Variants in IPO9 observed in about 807,000 individuals in gnomAD.
IPO9 encodes the protein importin-9.
A neutral mutation model predicts 128.6 loss-of-function variants in IPO9; 28 were observed. The ratio of observed to expected loss-of-function variants is 0.22; its 90% CI spans 0.16 to 0.30. The LOEUF is 0.30. IPO9 is among the 10% of genes least tolerant of loss of function. IPO9 has a pLI of 1.00. For missense variants in IPO9, 935 were observed against 1,293.9 expected (o/e 0.72, Z 4.26); for synonymous variants, 455 against 475.8 (o/e 0.96, Z 0.57).
intron 1 of IPO9, among the ~76,000 whole-genome samples, chr1:201,832,718 C>T (rs1172499315): frequency 6.6e-6 from 1 of 152,220 alleles, no homozygotes; most frequent in Admixed American, 6.5e-5. Flanking sequence ...AATAACCACA[C>T]TGTCTTTGTG....
At chr1:201,874,685 G>T in intron 21 of IPO9, 147 bp from the exon 22 acceptor site, 4 of 692,326 alleles carry the variant, frequency 5.8e-6, no homozygotes, top group Non-Finnish European at 7.7e-6. Flanking sequence ...AACCAGGAGG[G>T]TTTGGCCATT....
rs375284480 is a variant in IPO9, at chr1:201,876,494, A to C, written c.*440A>C. ...CTGATGTGTTCAGATAGGAATCCTC[A>C]TGAGAGATCATTATGCTTTGTGCCC... On this transcript the variant is annotated 3_prime_UTR_variant, in exon 24 of 24. Transcript: ENST00000361565. The C allele has an allele frequency of 6.7e-6, 2 of 296,340 alleles. No homozygotes were observed. Among genetic ancestry groups the C allele is most frequent in the Admixed American group, 4.5e-5 (1 of 22,358 alleles). 18.4% of individuals were successfully genotyped at this position (296,340 alleles called of 1,614,324 possible).
intron 1 of IPO9, among the ~76,000 whole-genome samples, chr1:201,843,366 C>A (rs1680069043): frequency 6.6e-6 from 1 of 151,822 alleles, no homozygotes; most frequent in Non-Finnish European, 1.5e-5. Context: ...GTCCTAAGAC[C>A]ATTGCATCAG....
chr1:201,879,049 C>CTT lies in IPO9; in HGVS notation c.*2998_*2999dup, dbSNP rs991353303. The CTT allele has an allele frequency of 1.3e-5, 2 of 152,078 alleles. No homozygotes were observed. Among genetic ancestry groups the CTT allele is most frequent in the African/African-American group, 2.4e-5 (1 of 41,398 alleles). The allele number at this position is 152,078 out of a possible 1,614,324, so 9.4% of individuals were successfully genotyped here. A position where few individuals can be genotyped will look rare whatever the true frequency, so the allele number is the denominator to read the frequency against. ...AAGGGGCTCCCAGGAGTTTGTCGAG[C>CTT]TTTTATTGGAGTGAACTGAAAGGAA... On this transcript the variant is annotated 3_prime_UTR_variant, in exon 24 of 24. Transcript: ENST00000361565.
In IPO9 at chr1:201,857,175, C is replaced by T. The variant is rs1448978364; in HGVS notation, c.1202C>T (p.Ala401Val). ...ACATTCTCCTATACTGTTAGAATAG[C>T]AGCTCAAGACTTGTTGCTGGTAAGT... ...DDTFSYTVRIAAQDLLLAVAT... is the reference protein window; with the variant it reads ...DDTFSYTVRIVAQDLLLAVAT... The change falls in exon 11 of 24, where the codon GCA becomes GTA. Residue 401 changes from alanine (A) to valine (V), a missense_variant. Physicochemically the swap from Ala to Val is moderately conservative, Grantham distance 64 (BLOSUM62 0). This residue lies in a region of IPO9 where 741 missense variants were observed against 1,019.1 expected (regional missense o/e 0.73). Coordinates refer to ENST00000361565, the MANE Select transcript of IPO9 (RefSeq NM_018085.5). The T allele has an allele frequency of 6.2e-7, 1 of 1,606,910 alleles. No homozygotes were observed. Among genetic ancestry groups the T allele is most frequent in the Non-Finnish European group, 8.5e-7 (1 of 1,173,570 alleles).
At chr1:201,852,337 C>A in intron 5 of IPO9, 145 bp downstream of exon 5, 1 of 547,514 alleles carries the variant, frequency 1.8e-6, no homozygotes, top group Non-Finnish European at 3.3e-6. Flanking sequence ...TCTGCATTAA[C>A]CTTAGACCTT....
Position 201,881,291 on chromosome 1 carries a change from T to C in IPO9, c.*5237T>C, listed in dbSNP as rs1028947685. ...ACCACCTACTAACCTTACAAAGTAG[T>C]CCACTTTGCTCACCCAGTTTTACAG... On this transcript the variant is annotated 3_prime_UTR_variant, in exon 24 of 24. Transcript: ENST00000361565. 3.3e-5 allele frequency: 5 copies of C among 152,180 alleles called. No individual in the cohort carries two copies. Among genetic ancestry groups the C allele is most frequent in the African/African-American group, 9.7e-5 (4 of 41,444 alleles). 9.4% of individuals were successfully genotyped at this position (152,180 alleles called of 1,614,324 possible).
intron 14 of IPO9, among the ~76,000 whole-genome samples, chr1:201,866,109 T>A (rs1680550699): frequency 6.6e-6 from 1 of 152,176 alleles, no homozygotes; most frequent in South Asian, 2.1e-4. Flanking sequence ...CCCTGAAGTC[T>A]CCAGGGGAAA....
chr1:201,852,937 C>A, intron 5 of IPO9, 74 bp from the exon 6 acceptor site: 1 of 1,163,238 alleles, frequency 8.6e-7, no homozygotes, highest in Non-Finnish European at 1.3e-6. Context: ...AGTTTTACTT[C>A]TAGTCTGAGA....
At chr1:201,847,418 A>T (rs1056193283) in intron 2 of IPO9, 78 bp downstream of exon 2, 110 of 1,420,236 alleles carry the variant, frequency 7.7e-5, no homozygotes, top group Admixed American at 5.3e-5. Context: ...AAGAAAAATA[A>T]GGCCAGTGTA....
In IPO9 at chr1:201,878,399, C is replaced by T. The variant is rs955452713; in HGVS notation, c.*2345C>T. ...CTGAGCTTGGGAAGGCTTAAGGCTC[C>T]CACACACAGACTGAGAATGATGGGG... On this transcript the variant is annotated 3_prime_UTR_variant, in exon 24 of 24. Coordinates refer to ENST00000361565, the MANE Select transcript of IPO9 (RefSeq NM_018085.5). 5 of 152,584 alleles carry T rather than the reference C, an allele frequency of 3.3e-5. No individual in the cohort carries two copies. Among genetic ancestry groups the T allele is most frequent in the African/African-American group, 1.2e-4 (5 of 41,438 alleles). 9.5% of individuals were successfully genotyped at this position (152,584 alleles called of 1,614,324 possible).
At position 201,847,292 on chromosome 1, in the gene IPO9, C is replaced by G; in HGVS notation, c.177C>G (p.His59Gln). 6.2e-7 allele frequency: 1 copy of G among 1,613,972 alleles called. No individual in the cohort carries two copies. Among genetic ancestry groups the G allele is most frequent in the Non-Finnish European group, 8.5e-7 (1 of 1,179,880 alleles). ...TTTCTCTTTCAGAATTTGGTGTTCA[C>G]TTGGCAGAACTGACTGTAGATCCCC... is the stretch of plus-strand genomic sequence containing the variant. Reference protein sequence around the residue: ...VLEVTEEFGVHLAELTVDPQG... With the variant: ...VLEVTEEFGVQLAELTVDPQG... Residue 59 changes from histidine (H) to glutamine (Q), a missense_variant, in exon 2 of 24, where the codon CAC becomes CAG. This residue lies in a region of IPO9 where 741 missense variants were observed against 1,019.1 expected (regional missense o/e 0.73). Coordinates refer to ENST00000361565, the MANE Select transcript of IPO9 (RefSeq NM_018085.5).
chr1:201,869,466 CT>C (rs1680610889), intron 16 of IPO9, 123 bp from the exon 17 acceptor site: 1 of 1,168,876 alleles, frequency 8.6e-7, no homozygotes, highest in Non-Finnish European at 1.2e-6. Flanking sequence ...ATTTTGGAAA[CT>C]TGCCTTTCAT....
chr1:201,834,152 A>T (rs1679883157), intron 1 of IPO9, among the ~76,000 whole-genome samples: 1 of 151,372 alleles, frequency 6.6e-6, no homozygotes, highest in African/African-American at 2.4e-5. Context: ...TAAATAGGGT[A>T]AAAAAAATTT....
chr1:201,860,537 T>C lies in IPO9; in HGVS notation c.1468+1543T>C, dbSNP rs552589972. Among the ~76,000 whole-genome samples, 13 of 152,336 alleles carry C rather than the reference T, an allele frequency of 8.5e-5. No homozygotes were observed. In the South Asian group the frequency reaches 1.9e-3, roughly 22 times the overall value. On this transcript the variant is annotated intron_variant, in intron 13 of 23. Transcript: ENST00000361565. ...CTGAAGCCCATCAACACATTTCTTA[T>C]AGAGTTTACCCTAGCAAAGATTTTT...
At chr1:201,873,001 G>A (rs370347175) in intron 20 of IPO9, 40 bp downstream of exon 20, 49 of 1,588,192 alleles carry the variant, frequency 3.1e-5, no homozygotes, top group Middle Eastern at 2.0e-4. Flanking sequence ...CTCCCTATAC[G>A]AAGGGGCTAA....
At chr1:201,845,029 G>C (rs544959332) in intron 1 of IPO9, among the ~76,000 whole-genome samples, 2 of 151,330 alleles carry the variant, frequency 1.3e-5, no homozygotes, top group East Asian at 1.9e-4. Flanking sequence ...TTTGGGAGGG[G>C]GGGGCGTACA....
intron 13 of IPO9, among the ~76,000 whole-genome samples, 196 bp downstream of exon 13, chr1:201,859,190 T>TATATATATATATATATATAC (rs1680392943): frequency 2.9e-5 from 4 of 136,808 alleles, no homozygotes; most frequent in Admixed American, 1.4e-4. Flanking sequence ...AATATATATA[T>TATATATATATATATATATAC]ATATATATAT....
rs1290387423 is a variant in IPO9, at chr1:201,858,874, T to G, written c.1348T>G (p.Cys450Gly). ...TEHWWKIHEACMLALGSVKAI... is the reference protein window; with the variant it reads ...TEHWWKIHEAGMLALGSVKAI... ...TCACAGGTGGAAGATCCATGAGGCATGCATGCTTGCCCTAGGCTCAGTGAA... is the reference window on the plus strand; with the variant it reads ...TCACAGGTGGAAGATCCATGAGGCAGGCATGCTTGCCCTAGGCTCAGTGAA... Residue 450 changes from cysteine (C) to glycine (G), a missense_variant, in exon 13 of 24, where the codon TGC becomes GGC. Around this residue, in one of 3 missense-constraint regions of IPO9, gnomAD observed 741 missense variants for 1,019.1 expected, o/e 0.73. Transcript: ENST00000361565. 6.2e-6 allele frequency: 10 copies of G among 1,607,306 alleles called. No individual in the cohort carries two copies. The highest frequency in any genetic ancestry group is 8.5e-6 in the Non-Finnish European group (10 of 1,174,592).
Sources: gnomAD v4.1 joint callset for allele counts (sites outside exome capture counted in the v4.1 genomes callset) on GRCh38, gnomAD v4.1.1 for gene constraint, gnomAD v4.1.1 regional missense constraint, MANE v1.5 for transcripts, NCBI Gene and HGNC (gene_info 2026-07-23, HGNC 2026-07-21) for gene names.